Variants in GPC5 observed in about 807,000 individuals in gnomAD.
The protein encoded by GPC5 is glypican 5.
A neutral mutation model predicts 53.9 loss-of-function variants in GPC5; 47 were observed. The observed-to-expected ratio is 0.87, with a 90% confidence interval of 0.69 to 1.11. The LOEUF (loss-of-function observed/expected upper bound fraction) is 1.11. Among genes scored for constraint, GPC5 ranks in the 50% most tolerant of loss-of-function variants. The pLI, the probability that GPC5 is intolerant of heterozygous loss-of-function variation, is 0.00. For synonymous variants in GPC5, 286 were observed against 263.3 expected (o/e 1.09, Z -0.84); for missense variants, 748 against 713.1 (o/e 1.05, Z -0.56).
intron 6 of GPC5, among the ~76,000 whole-genome samples, chr13:92,108,440 A>G (rs1425901664): frequency 1.3e-5 from 2 of 152,162 alleles, no homozygotes; most frequent in Admixed American, 1.3e-4. Context: ...TCATTCCCAT[A>G]TAGAAAGGAG....
At chr13:91,738,881 A>G (rs1437671405) in intron 4 of GPC5, among the ~76,000 whole-genome samples, 2 of 151,350 alleles carry the variant, frequency 1.3e-5, no homozygotes, top group Non-Finnish European at 2.9e-5. Context: ...CTACTGCTAT[A>G]TAATAATACT....
intron 3 of GPC5, among the ~76,000 whole-genome samples, chr13:91,713,357 A>G (rs1212417513): frequency 6.8e-6 from 1 of 148,132 alleles, no homozygotes; most frequent in Admixed American, 6.7e-5. Flanking sequence ...GAATGCCTAA[A>G]TAGTCAGACT....
intron 3 of GPC5, among the ~76,000 whole-genome samples, chr13:91,709,639 A>G (rs2036183741): frequency 6.6e-6 from 1 of 152,198 alleles, no homozygotes; most frequent in Admixed American, 6.5e-5. Context: ...CTCTGGCAAC[A>G]CTGTAACTTC....
chr13:91,404,761 T>C (rs1167566436), intron 1 of GPC5, among the ~76,000 whole-genome samples: 1 of 152,264 alleles, frequency 6.6e-6, no homozygotes, highest in Non-Finnish European at 1.5e-5. Flanking sequence ...GAAGAATGTA[T>C]GTTTTCTTAA....
intron 6 of GPC5, among the ~76,000 whole-genome samples, chr13:91,938,263 T>C (rs2039889768): frequency 1.3e-5 from 2 of 151,888 alleles, no homozygotes; most frequent in Admixed American, 6.6e-5. Context: ...TGGTGGAAGG[T>C]GAAGAAGGAG....
intron 5 of GPC5, among the ~76,000 whole-genome samples, chr13:91,879,949 T>A (rs1217943542): frequency 6.6e-6 from 1 of 152,140 alleles, no homozygotes; most frequent in East Asian, 1.9e-4. Flanking sequence ...TTATTATTTT[T>A]ATATTAACTT....
chr13:91,445,543 C>T (rs554172904), intron 1 of GPC5, among the ~76,000 whole-genome samples: 13 of 152,318 alleles, frequency 8.5e-5, no homozygotes, highest in Admixed American at 1.3e-4. Flanking sequence ...GGCACGATCT[C>T]GGCTCACAGC....
intron 2 of GPC5, among the ~76,000 whole-genome samples, chr13:91,568,165 G>T (rs889034448): frequency 1.3e-5 from 2 of 152,146 alleles, no homozygotes; most frequent in African/African-American, 4.8e-5. Flanking sequence ...AAATTACCCA[G>T]CCTCAGATAG....
intron 7 of GPC5, among the ~76,000 whole-genome samples, chr13:92,754,364 A>G (rs1432396356): frequency 6.6e-6 from 1 of 152,234 alleles, no homozygotes; most frequent in Non-Finnish European, 1.5e-5. Flanking sequence ...GGTACCAACT[A>G]CTGCAAAATC....
At chr13:92,794,977 T>G (rs1265619835) in intron 7 of GPC5, among the ~76,000 whole-genome samples, 1 of 152,150 alleles carries the variant, frequency 6.6e-6, no homozygotes, top group Non-Finnish European at 1.5e-5. Context: ...ACTTACAGAT[T>G]CAATGCCGTT....
intron 6 of GPC5, among the ~76,000 whole-genome samples, chr13:92,003,571 C>T (rs1291230466): frequency 6.6e-6 from 1 of 151,974 alleles, no homozygotes; most frequent in Admixed American, 6.6e-5. Context: ...GTCAGTATTT[C>T]AAATCTAGTA....
At chr13:91,652,579 C>A (rs1471396638) in intron 2 of GPC5, among the ~76,000 whole-genome samples, 3 of 152,104 alleles carry the variant, frequency 2.0e-5, no homozygotes, top group Non-Finnish European at 4.4e-5. Flanking sequence ...GGATATACAG[C>A]ACAAAGGGAT....
intron 6 of GPC5, among the ~76,000 whole-genome samples, chr13:92,021,392 T>C (rs2040757034): frequency 1.3e-5 from 2 of 152,180 alleles, no homozygotes; most frequent in Admixed American, 1.3e-4. Flanking sequence ...ACAAATCCTG[T>C]GTGATTCCAC....
rs112589284 is a variant in GPC5 at position 91,556,555 on chromosome 13, G to A, written c.325+107633G>A. 3.4e-3 allele frequency among the ~76,000 whole-genome samples: 500 copies of A among 146,638 alleles called. 4 individuals carry two copies. Among genetic ancestry groups the A allele is most frequent in the African/African-American group, 0.012 (469 of 40,012 alleles). On this transcript the variant is annotated intron_variant, in intron 2 of 7. Transcript: ENST00000377067. ...ATATATATAAAATGTGTGTGTGTGT[G>A]TATATATATATATATACACACACAC...
chr13:91,443,244 G>T (rs1391238113), intron 1 of GPC5, among the ~76,000 whole-genome samples: 2 of 152,056 alleles, frequency 1.3e-5, no homozygotes, highest in Non-Finnish European at 2.9e-5. Context: ...GGTAATTAAG[G>T]TTACATGAGG....
At chr13:92,298,877 T>C (rs2043056620) in intron 7 of GPC5, among the ~76,000 whole-genome samples, 1 of 152,228 alleles carries the variant, frequency 6.6e-6, no homozygotes, top group African/African-American at 2.4e-5. Flanking sequence ...ATCATTATTT[T>C]TATTTACAGC....
At chr13:91,972,370 G>A (rs1248567009) in intron 6 of GPC5, among the ~76,000 whole-genome samples, 1 of 152,178 alleles carries the variant, frequency 6.6e-6, no homozygotes, top group African/African-American at 2.4e-5. Context: ...CTCTGCACGT[G>A]AGATGGGTTT....
chr13:92,166,946 TCTCTCTCTCTCACACACACA>T (rs1452025256), intron 7 of GPC5, among the ~76,000 whole-genome samples: 1,545 of 69,132 alleles, frequency 0.022, 25 homozygotes, highest in African/African-American at 0.056. Context: ...TCTCTCTCTC[TCTCTCTCTCTCACACACACA>T]CACACACACA....
chr13:92,507,651 G>C (rs892894697), intron 7 of GPC5, among the ~76,000 whole-genome samples: 1 of 152,034 alleles, frequency 6.6e-6, no homozygotes, highest in African/African-American at 2.4e-5. Flanking sequence ...GCAAAGTAAA[G>C]TTATTTACAA....
Sources: gnomAD v4.1 joint callset for allele counts (sites outside exome capture counted in the v4.1 genomes callset) on GRCh38, gnomAD v4.1.1 for gene constraint, MANE v1.5 for transcripts, NCBI Gene and HGNC (gene_info 2026-07-23, HGNC 2026-07-21) for gene names.